SLC44A5: variants seen among roughly 807,000 people sequenced by gnomAD.
SLC44A5 encodes choline transporter-like protein 5.
A neutral mutation model predicts 101.8 loss-of-function variants in SLC44A5; 57 were observed. The ratio of observed to expected loss-of-function variants is 0.56; its 90% CI spans 0.45 to 0.70. SLC44A5 has a LOEUF of 0.70. Ranked by LOEUF, SLC44A5 falls within the 30% of genes least tolerant of loss-of-function variation. The pLI, the probability that SLC44A5 is intolerant of heterozygous loss-of-function variation, is 0.00. For synonymous variants in SLC44A5, 281 were observed against 290.9 expected (o/e 0.97, Z 0.35); for missense variants, 737 against 853.1 (o/e 0.86, Z 1.70).
intron 4 of SLC44A5, among the ~76,000 whole-genome samples, chr1:75,330,470 T>C (rs550149502): frequency 1.3e-5 from 2 of 152,284 alleles, no homozygotes; most frequent in South Asian, 4.1e-4. Context: ...ATTCCTTGCT[T>C]ACTATCTTGC....
intron 9 of SLC44A5, among the ~76,000 whole-genome samples, chr1:75,240,828 A>T (rs1031385964): frequency 6.6e-6 from 1 of 151,942 alleles, no homozygotes. Flanking sequence ...GAAGAGTGAA[A>T]TTTCCCACAG....
intron 2 of SLC44A5, among the ~76,000 whole-genome samples, chr1:75,439,584 CA>C (rs1211866725): frequency 4.6e-5 from 7 of 151,932 alleles, no homozygotes; most frequent in South Asian, 4.2e-4. Context: ...GTTGAAATAA[CA>C]ACATTTTAGC....
chr1:75,680,299 C>G, the SLC44A5 span, among the ~76,000 whole-genome samples: 1 of 151,742 alleles, frequency 6.6e-6, no homozygotes, highest in African/African-American at 2.4e-5. Context: ...CCCAAATCAA[C>G]AGAATATACA....
the SLC44A5 span, among the ~76,000 whole-genome samples, chr1:75,632,123 G>T: frequency 6.6e-6 from 1 of 152,078 alleles, no homozygotes; most frequent in Non-Finnish European, 1.5e-5. Context: ...TTTCCATGAA[G>T]AATTCCCTTC....
intron 5 of SLC44A5, among the ~76,000 whole-genome samples, chr1:75,295,071 G>T (rs193069590): frequency 1.6e-4 from 24 of 152,236 alleles, no homozygotes; most frequent in Admixed American, 1.5e-3. Context: ...ACTACGTGAG[G>T]TGATATATCT....
At chr1:75,409,088 G>A (rs914624082) in intron 2 of SLC44A5, among the ~76,000 whole-genome samples, 7 of 152,204 alleles carry the variant, frequency 4.6e-5, no homozygotes, top group East Asian at 1.9e-4. Context: ...GTGAATAAAC[G>A]CACAAAATAC....
At chr1:75,518,589 C>A (rs879405479) in intron 2 of SLC44A5, among the ~76,000 whole-genome samples, 4 of 152,062 alleles carry the variant, frequency 2.6e-5, no homozygotes, top group African/African-American at 4.8e-5. Context: ...AGAAAAAAAT[C>A]TGAAAAGCAA....
chr1:75,436,519 T>TG (rs1322506317), intron 2 of SLC44A5, among the ~76,000 whole-genome samples: 1 of 152,068 alleles, frequency 6.6e-6, no homozygotes, highest in African/African-American at 2.4e-5. Flanking sequence ...TTACCATGAA[T>TG]GGAGGGTGCA....
chr1:75,532,272 C>T (rs143855848), intron 2 of SLC44A5, among the ~76,000 whole-genome samples: 5 of 152,284 alleles, frequency 3.3e-5, no homozygotes, highest in Admixed American at 1.3e-4. Context: ...AATTAACTTC[C>T]GGGATTTAAA....
At chr1:75,261,683 TCC>T (rs1304053065) in intron 6 of SLC44A5, among the ~76,000 whole-genome samples, 1 of 152,016 alleles carries the variant, frequency 6.6e-6, no homozygotes, top group East Asian at 1.9e-4. Flanking sequence ...GCCAGCATCA[TCC>T]TAATGCCAAA....
rs560694674 is a variant in SLC44A5 at position 75,219,147 on chromosome 1, C to T, written c.1266+110G>A. 117 of 771,346 alleles carry T rather than the reference C, an allele frequency of 1.5e-4. No individual in the cohort carries two copies. In the African/African-American group the frequency reaches 1.9e-3, roughly 12 times the overall value. The allele number at this position is 771,346 out of a possible 1,614,324, so 47.8% of individuals were successfully genotyped here. Reference sequence around the variant, plus strand: ...CCCCACTTCAGCACATAGTTGTCCCCATCAGTGTATAGGATCTCTGCTTCG... The same window carrying T: ...CCCCACTTCAGCACATAGTTGTCCCTATCAGTGTATAGGATCTCTGCTTCG... On this transcript the variant is annotated intron_variant, in intron 16 of 23. Coordinates refer to ENST00000370859, the MANE Select transcript of SLC44A5 (RefSeq NM_001130058.2).
At chr1:75,456,228 A>G (rs920104682) in intron 2 of SLC44A5, among the ~76,000 whole-genome samples, 2 of 152,198 alleles carry the variant, frequency 1.3e-5, no homozygotes, top group African/African-American at 4.8e-5. Flanking sequence ...GCTGGAGGCC[A>G]TTATCCTAAA....
At chr1:75,510,027 C>T (rs1463453001) in intron 2 of SLC44A5, among the ~76,000 whole-genome samples, 2 of 152,128 alleles carry the variant, frequency 1.3e-5, no homozygotes, top group African/African-American at 4.8e-5. Flanking sequence ...AGAGCATGTG[C>T]AGGGAAACTC....
chr1:75,537,597 C>T (rs2101941092), intron 2 of SLC44A5, among the ~76,000 whole-genome samples: 1 of 152,312 alleles, frequency 6.6e-6, no homozygotes, highest in South Asian at 2.1e-4. Flanking sequence ...CAGGCTTGTC[C>T]ATCTGCCCAT....
intron 6 of SLC44A5, among the ~76,000 whole-genome samples, chr1:75,265,100 G>A (rs1249213620): frequency 1.3e-5 from 2 of 152,072 alleles, no homozygotes; most frequent in Non-Finnish European, 2.9e-5. Context: ...TAATGAGATT[G>A]GATCAGTGAT....
At chr1:75,441,218 G>A (rs1233312747) in intron 2 of SLC44A5, among the ~76,000 whole-genome samples, 1 of 152,116 alleles carries the variant, frequency 6.6e-6, no homozygotes, top group Admixed American at 6.6e-5. Flanking sequence ...CTCAAGGGAA[G>A]TGTAAATGAC....
At chr1:75,433,380 C>A (rs1196647077) in intron 2 of SLC44A5, among the ~76,000 whole-genome samples, 1 of 152,022 alleles carries the variant, frequency 6.6e-6, no homozygotes, top group African/African-American at 2.4e-5. Context: ...TTCTAGCTGA[C>A]CTCTACACAG....
chr1:75,211,982 TA>T (rs1479020385), intron 22 of SLC44A5, among the ~76,000 whole-genome samples: 1 of 151,942 alleles, frequency 6.6e-6, no homozygotes, highest in Non-Finnish European at 1.5e-5. Context: ...TAACAGTTTA[TA>T]AGAGGTGTTC....
At chr1:75,502,436 T>G (rs1173293275) in intron 2 of SLC44A5, among the ~76,000 whole-genome samples, 1 of 152,238 alleles carries the variant, frequency 6.6e-6, no homozygotes, top group African/African-American at 2.4e-5. Context: ...ATGGGAAGTC[T>G]GAACTCACAA....
Sources: gnomAD v4.1 joint callset for allele counts (sites outside exome capture counted in the v4.1 genomes callset) on GRCh38, gnomAD v4.1.1 for gene constraint, MANE v1.5 for transcripts, NCBI Gene and HGNC (gene_info 2026-07-23, HGNC 2026-07-21) for gene names.